The following C11orf65 variants were observed in gnomAD, a reference collection of about 807,000 sequenced individuals.
C11orf65 encodes protein MFI.
C11orf65 carries 38 observed loss-of-function variants against 35.3 expected under a neutral mutation model. That is an observed-to-expected ratio of 1.08 (90% CI 0.83 to 1.41). The LOEUF (loss-of-function observed/expected upper bound fraction) is 1.41, where lower values mean the gene tolerates loss of function less well. C11orf65 is among the 40% of genes most tolerant of loss of function. The pLI is 0.00. For synonymous variants in C11orf65, 105 were observed against 114.4 expected, an observed-to-expected ratio of 0.92 and a Z score of 0.53; for missense variants, 370 against 367.1, an observed-to-expected ratio of 1.01 and a Z score of -0.06.
rs2087821053 is a variant in C11orf65, at chr11:108,343,273, G to C, written c.227-7981C>G. 1.2e-6 allele frequency: 2 copies of C among 1,614,012 alleles called. No homozygotes were observed. The highest frequency in any genetic ancestry group is 1.7e-6 in the Non-Finnish European group (2 of 1,179,922). On this transcript the variant is annotated intron_variant, in intron 2 of 3. Transcript: ENST00000524755. The stretch of plus-strand genomic sequence containing the variant: ...TGTTCTTGAATGGTGCACAGGAACT[G>C]TCCCCATTGGTGAATTTCTTGTTAA...
chr11:108,347,464 T>C, intron 2 of C11orf65: 1 of 1,044,478 alleles, frequency 9.6e-7, no homozygotes, highest in Non-Finnish European at 1.4e-6. Context: ...AAGAGACAGA[T>C]AAATTGAAGC....
chr11:108,364,566 A>C (rs987546814), intron 2 of C11orf65, among the ~76,000 whole-genome samples: 1 of 152,198 alleles, frequency 6.6e-6, no homozygotes, highest in Non-Finnish European at 1.5e-5. Flanking sequence ...CCAGATTTAG[A>C]ACTGAGAGAA....
Position 108,383,194 on chromosome 11 carries a change from T to G in C11orf65, c.788-19A>C. On this transcript the variant is annotated intron_variant, in intron 8 of 8. Transcript: ENST00000393084. ...CTGAATCCTAAAGAGAAGTGACAAA[T>G]GATTAGAAAGATACCAGATATAATA... 6.4e-7 allele frequency: 1 copy of G among 1,550,536 alleles called. No homozygotes were observed.
At chr11:108,396,204 T>G (rs2092305652) in intron 6 of C11orf65, among the ~76,000 whole-genome samples, 1 of 152,112 alleles carries the variant, frequency 6.6e-6, no homozygotes, top group Non-Finnish European at 1.5e-5. Flanking sequence ...GCAGTTCTCC[T>G]GCCTCAGCCT....
At chr11:108,409,401 T>A (rs2092615556) in intron 3 of C11orf65, among the ~76,000 whole-genome samples, 1 of 152,226 alleles carries the variant, frequency 6.6e-6, no homozygotes, top group African/African-American at 2.4e-5. Flanking sequence ...ATATATGGTA[T>A]GTAAGTATAC....
chr11:108,405,282 G>C, intron 6 of C11orf65, 147 bp downstream of exon 6: 1 of 703,816 alleles, frequency 1.4e-6, no homozygotes, highest in Non-Finnish European at 2.3e-6. Flanking sequence ...GTGTCAGTGT[G>C]CGTTTTATTC....
intron 2 of C11orf65, among the ~76,000 whole-genome samples, chr11:108,346,910 A>C (rs1294930961): frequency 6.6e-6 from 1 of 152,186 alleles, no homozygotes; most frequent in African/African-American, 2.4e-5. Flanking sequence ...TAGACTTCTC[A>C]TTTTATAAGT....
chr11:108,376,970 A>C (rs936127452), intron 2 of C11orf65, among the ~76,000 whole-genome samples: 6 of 152,102 alleles, frequency 3.9e-5, no homozygotes, highest in African/African-American at 1.5e-4. Context: ...ACAGGATCTG[A>C]AATTGTGGCA....
intron 2 of C11orf65, among the ~76,000 whole-genome samples, chr11:108,357,062 C>T (rs536881404): frequency 6.6e-6 from 1 of 152,244 alleles, no homozygotes; most frequent in South Asian, 2.1e-4. Flanking sequence ...GAGCGCCAGA[C>T]AGTGGGCGCA....
At chr11:108,327,786 T>C (rs780532555), downstream of C11orf65, 3 of 1,494,198 alleles carry the variant, frequency 2.0e-6, no homozygotes, top group Non-Finnish European at 9.3e-7. Flanking sequence ...ACCCTTAAGA[T>C]AGTTACTTAG....
intron 1 of C11orf65, among the ~76,000 whole-genome samples, chr11:108,466,172 G>A (rs1238404196): frequency 6.6e-6 from 1 of 152,118 alleles, no homozygotes; most frequent in African/African-American, 2.4e-5. Flanking sequence ...AGGAGGGTGG[G>A]ACCGTTGCTG....
intron 1 of C11orf65, chr11:108,462,775 G>A (rs2093487441): frequency 6.6e-6 from 1 of 152,132 alleles, no homozygotes; most frequent in Admixed American, 6.6e-5. Flanking sequence ...GTAGCAATAT[G>A]GTTCTGACAT....
chr11:108,323,303 A>C (rs1277518176), intron 6 of C11orf65, among the ~76,000 whole-genome samples: 4 of 152,310 alleles, frequency 2.6e-5, no homozygotes, highest in East Asian at 1.9e-4. Context: ...AGAAATCAAG[A>C]AATTTTTCCT....
chr11:108,362,730 A>G lies in C11orf65; in HGVS notation c.227-27438T>C, dbSNP rs1418529427. ...AACCAAACACCGCATATTCTCACTC[A>G]TAGGTGGGAATTGAACAATGAGAAC... is the stretch of plus-strand genomic sequence containing the variant. On this transcript the variant is annotated intron_variant, in intron 2 of 3. Transcript: ENST00000524755. 2.8e-5 allele frequency among the ~76,000 whole-genome samples: 4 copies of G among 140,916 alleles called. No homozygotes were observed. The South Asian group carries it at 9.7e-4, about 34-fold the overall frequency. The allele number at this position is 140,916 out of a possible 152,430, so 92.4% of individuals were successfully genotyped here. A position where few individuals can be genotyped will look rare whatever the true frequency, so the allele number is the denominator to read the frequency against.
chr11:108,394,674 T>C (rs1360149566), intron 6 of C11orf65, among the ~76,000 whole-genome samples: 1 of 150,070 alleles, frequency 6.7e-6, no homozygotes, highest in African/African-American at 2.4e-5. Context: ...TATTATGAAG[T>C]TGTATTCATT....
intron 7 of C11orf65, among the ~76,000 whole-genome samples, chr11:108,389,176 T>C (rs2092087595): frequency 6.6e-6 from 1 of 152,256 alleles, no homozygotes; most frequent in South Asian, 2.1e-4. Context: ...AGGGGACAAA[T>C]GTCAGACTTT....
At chr11:108,405,396 C>A (rs552415099) in intron 6 of C11orf65, 33 bp downstream of exon 6, 1 of 1,600,448 alleles carries the variant, frequency 6.2e-7, no homozygotes, top group African/African-American at 1.4e-5. Context: ...CAAAATACTA[C>A]GTATTTCCTT....
intron 3 of C11orf65, among the ~76,000 whole-genome samples, chr11:108,417,016 C>T (rs1370882862): frequency 2.0e-5 from 3 of 152,054 alleles, no homozygotes; most frequent in Non-Finnish European, 2.9e-5. Flanking sequence ...GTTGCAATCT[C>T]TTGAATAAGT....
intron 5 of C11orf65, among the ~76,000 whole-genome samples, 198 bp downstream of exon 5, chr11:108,406,565 A>T (rs2092544592): frequency 6.6e-6 from 1 of 152,242 alleles, no homozygotes; most frequent in South Asian, 2.1e-4. Flanking sequence ...AAAAGTAGAA[A>T]TAAATGTAGT....
Sources: allele counts gnomAD v4.1 joint callset (sites outside exome capture counted in the v4.1 genomes callset), GRCh38; gene constraint gnomAD v4.1.1; transcripts MANE v1.5; gene names NCBI Gene and HGNC (gene_info 2026-07-23, HGNC 2026-07-21).